The following C12orf42 variants were observed in gnomAD, a reference collection of about 807,000 sequenced individuals.
The protein encoded by C12orf42 is uncharacterized protein C12orf42.
C12orf42 carries 25 observed loss-of-function variants against 21.6 expected under a neutral mutation model. The ratio of observed to expected loss-of-function variants is 1.16; its 90% CI spans 0.84 to 1.62. The LOEUF is 1.62. C12orf42 is among the 40% of genes most tolerant of loss of function. The probability of loss-of-function intolerance (pLI) is 0.00; values close to 1 mark genes in which losing one functional copy is unlikely to be tolerated. For missense variants in C12orf42, 483 were observed against 459.3 expected, an observed-to-expected ratio of 1.05 and a Z score of -0.47; for synonymous variants, 174 against 175.0, an observed-to-expected ratio of 0.99 and a Z score of 0.05.
chr12:103,155,769 A>G, the C12orf42 span, among the ~76,000 whole-genome samples: 1 of 150,756 alleles, frequency 6.6e-6, no homozygotes, highest in South Asian at 2.1e-4. Flanking sequence ...GTATGTGTAT[A>G]TATACATATA....
At chr12:103,186,138 T>A in the C12orf42 span, among the ~76,000 whole-genome samples, 41 of 152,302 alleles carry the variant, frequency 2.7e-4, no homozygotes, top group South Asian at 8.3e-3. Context: ...TTGTTATAGT[T>A]ACCATCTCTT....
chr12:103,299,702 A>C (rs2136434954), downstream of C12orf42, among the ~76,000 whole-genome samples: 1 of 152,338 alleles, frequency 6.6e-6, no homozygotes, highest in South Asian at 2.1e-4. Context: ...AAATGGATTC[A>C]TCCTCAGTTA....
intron 2 of C12orf42, among the ~76,000 whole-genome samples, chr12:103,449,796 G>T (rs1592863680): frequency 1.4e-5 from 2 of 146,320 alleles, no homozygotes; most frequent in Non-Finnish European, 1.5e-5. Flanking sequence ...TTTTTTTCTA[G>T]TTCCATTTGA....
chr12:103,543,043 T>G, the C12orf42 span, among the ~76,000 whole-genome samples: 1 of 152,176 alleles, frequency 6.6e-6, no homozygotes, highest in Non-Finnish European at 1.5e-5. Context: ...TGCCCATGAT[T>G]AAAAAGGATT....
chr12:103,203,722 T>C, the C12orf42 span, among the ~76,000 whole-genome samples: 1 of 152,176 alleles, frequency 6.6e-6, no homozygotes, highest in African/African-American at 2.4e-5. Context: ...CACTAAATAG[T>C]ACCAAGTATC....
intron 3 of C12orf42, among the ~76,000 whole-genome samples, chr12:103,375,297 T>A (rs2045599176): frequency 6.6e-6 from 1 of 152,234 alleles, no homozygotes; most frequent in Non-Finnish European, 1.5e-5. Context: ...AAAATTATTC[T>A]GTAAGAATCT....
At chr12:103,408,836 G>T (rs1246983019) in intron 2 of C12orf42, among the ~76,000 whole-genome samples, 1 of 152,110 alleles carries the variant, frequency 6.6e-6, no homozygotes, top group East Asian at 1.9e-4. Flanking sequence ...TGCATCTGCT[G>T]GTAACTCTTC....
chr12:103,438,630 C>T (rs1217582287), intron 2 of C12orf42, among the ~76,000 whole-genome samples: 1 of 151,788 alleles, frequency 6.6e-6, no homozygotes, highest in Non-Finnish European at 1.5e-5. Context: ...AACAGAGAGC[C>T]AAATCATGAG....
chr12:103,192,701 A>G, the C12orf42 span, among the ~76,000 whole-genome samples: 1 of 152,224 alleles, frequency 6.6e-6, no homozygotes, highest in East Asian at 1.9e-4. Context: ...GGATAAAACT[A>G]TCAATATATT....
chr12:103,561,101 C>T, the C12orf42 span, among the ~76,000 whole-genome samples: 2 of 152,102 alleles, frequency 1.3e-5, no homozygotes, highest in African/African-American at 4.8e-5. Context: ...TCCTCTCTCC[C>T]CCAGGGTGAA....
chr12:103,177,224 CA>C, the C12orf42 span, among the ~76,000 whole-genome samples: 1 of 152,160 alleles, frequency 6.6e-6, no homozygotes, highest in Non-Finnish European at 1.5e-5. Context: ...CCTAGAAAAT[CA>C]AGCCACACCA....
At chr12:103,263,056 A>C (rs1385580166) in intron 10 of C12orf42, among the ~76,000 whole-genome samples, 3 of 152,178 alleles carry the variant, frequency 2.0e-5, no homozygotes, top group Admixed American at 1.3e-4. Flanking sequence ...ACAAGGACAG[A>C]AAACCAAATA....
At chr12:103,350,755 A>G (rs536011307) in intron 4 of C12orf42, among the ~76,000 whole-genome samples, 19 of 152,186 alleles carry the variant, frequency 1.2e-4, no homozygotes, top group African/African-American at 4.3e-4. Context: ...ATTGTCCCAC[A>G]CATCCTTGAT....
At chr12:103,510,036 A>G in the C12orf42 span, among the ~76,000 whole-genome samples, 17,092 of 152,264 alleles carry the variant, frequency 0.11, 1,133 homozygotes, top group South Asian at 0.29. Context: ...GTCATCACAT[A>G]GAAAAGATAT....
At chr12:103,257,601 C>T (rs929619193) in intron 10 of C12orf42, among the ~76,000 whole-genome samples, 1 of 136,722 alleles carries the variant, frequency 7.3e-6, no homozygotes, top group Admixed American at 7.0e-5. Flanking sequence ...AAAATGAAGA[C>T]TAAACTAGGA....
intron 4 of C12orf42, chr12:103,367,950 A>G (rs1477672634): frequency 1.4e-6 from 1 of 719,026 alleles, no homozygotes; most frequent in Non-Finnish European, 2.0e-6. Flanking sequence ...GCATATAAAT[A>G]TAAGTGAATG....
chr12:103,421,855 T>C (rs2049943592), intron 2 of C12orf42, among the ~76,000 whole-genome samples: 2 of 152,174 alleles, frequency 1.3e-5, no homozygotes. Flanking sequence ...CCAGAAGGAA[T>C]GACTAATTAC....
intron 2 of C12orf42, among the ~76,000 whole-genome samples, chr12:103,448,944 G>C (rs1340164466): frequency 6.6e-6 from 1 of 151,978 alleles, no homozygotes; most frequent in African/African-American, 2.4e-5. Flanking sequence ...CCACTACTAG[G>C]TGCCTACCCA....
chr12:103,544,747 T>C, the C12orf42 span, among the ~76,000 whole-genome samples: 1 of 152,236 alleles, frequency 6.6e-6, no homozygotes, highest in South Asian at 2.1e-4. Context: ...ATTTTTCAGT[T>C]CATTGATTCT....
Sources: allele counts gnomAD v4.1 joint callset (sites outside exome capture counted in the v4.1 genomes callset), GRCh38; gene constraint gnomAD v4.1.1; transcripts MANE v1.5; gene names NCBI Gene and HGNC (gene_info 2026-07-23, HGNC 2026-07-21).